The following STARD13 variants were observed in gnomAD, a reference collection of about 807,000 sequenced individuals.
STARD13 encodes the protein StAR related lipid transfer domain containing 13.
STARD13 carries 62 observed loss-of-function variants against 106.4 expected under a neutral mutation model. The ratio of observed to expected loss-of-function variants is 0.58; its 90% CI spans 0.48 to 0.72. The LOEUF (loss-of-function observed/expected upper bound fraction) is 0.72. Among genes scored for constraint, STARD13 ranks in the 30% least tolerant of loss-of-function variants. STARD13 has a pLI of 0.00. For synonymous variants in STARD13, 565 were observed against 553.0 expected (o/e 1.02, Z -0.31); for missense variants, 1,387 against 1,424.0 (o/e 0.97, Z 0.42).
At chr13:33,593,992 T>C in the STARD13 span, among the ~76,000 whole-genome samples, 2 of 152,110 alleles carry the variant, frequency 1.3e-5, no homozygotes, top group Non-Finnish European at 2.9e-5. Context: ...CTGCAAGCTC[T>C]GTCTCCCGGG....
chr13:33,615,168 C>T, the STARD13 span, among the ~76,000 whole-genome samples: 70 of 152,112 alleles, frequency 4.6e-4, no homozygotes, highest in African/African-American at 1.4e-3. Context: ...AAAAGCAATC[C>T]GCAAAAACCC....
chr13:33,543,489 T>C, the STARD13 span, among the ~76,000 whole-genome samples: 2 of 149,398 alleles, frequency 1.3e-5, no homozygotes, highest in African/African-American at 5.0e-5. Flanking sequence ...ATAATGTTCT[T>C]TTTTTCCTGT....
the STARD13 span, among the ~76,000 whole-genome samples, chr13:33,651,919 C>T: frequency 2.6e-5 from 4 of 152,324 alleles, no homozygotes; most frequent in African/African-American, 7.2e-5. Flanking sequence ...GTGAAGCCAT[C>T]CTGGACCCTT....
chr13:33,648,256 C>G, the STARD13 span, among the ~76,000 whole-genome samples: 1 of 152,166 alleles, frequency 6.6e-6, no homozygotes, highest in East Asian at 1.9e-4. Context: ...TGTGTGGAAA[C>G]TGAGTCTCAG....
At chr13:33,460,401 G>T in the STARD13 span, among the ~76,000 whole-genome samples, 1 of 151,342 alleles carries the variant, frequency 6.6e-6, no homozygotes, top group African/African-American at 2.4e-5. Context: ...TGAGGCAGGA[G>T]AACCGCTTGA....
the STARD13 span, among the ~76,000 whole-genome samples, chr13:33,516,961 G>A: frequency 5.3e-5 from 8 of 150,762 alleles, no homozygotes; most frequent in Admixed American, 5.3e-4. Flanking sequence ...AAAAAAAGGA[G>A]GGAGAAGAAA....
the STARD13 span, among the ~76,000 whole-genome samples, chr13:33,674,325 A>G: frequency 2.0e-5 from 3 of 152,238 alleles, no homozygotes; most frequent in African/African-American, 7.2e-5. Context: ...AAATCATAAT[A>G]GTTAATTTCA....
intron 1 of STARD13, among the ~76,000 whole-genome samples, chr13:33,307,145 G>A (rs559147274): frequency 1.2e-3 from 187 of 152,166 alleles, no homozygotes; most frequent in African/African-American, 4.3e-3. Context: ...TTATTAAAAA[G>A]TCAAGAAACA....
chr13:33,658,875 G>C, the STARD13 span, among the ~76,000 whole-genome samples: 2 of 152,102 alleles, frequency 1.3e-5, no homozygotes, highest in Admixed American at 6.5e-5. Flanking sequence ...GGTTAACTTG[G>C]TCACCAATGG....
At chr13:33,561,418 G>A in the STARD13 span, among the ~76,000 whole-genome samples, 18 of 151,614 alleles carry the variant, frequency 1.2e-4, no homozygotes, top group Middle Eastern at 0.01. Flanking sequence ...GTGATCCTCT[G>A]TGATCACTTT....
At chr13:33,528,308 C>A in the STARD13 span, among the ~76,000 whole-genome samples, 1 of 130,770 alleles carries the variant, frequency 7.6e-6, no homozygotes, top group East Asian at 2.1e-4. Context: ...TCTCCTCTGT[C>A]ACCCAGGCTG....
the STARD13 span, among the ~76,000 whole-genome samples, chr13:33,671,018 A>G: frequency 5.9e-5 from 9 of 152,364 alleles, no homozygotes; most frequent in South Asian, 1.4e-3. Flanking sequence ...ACTATGGTCT[A>G]GTTAAAAGGG....
the STARD13 span, among the ~76,000 whole-genome samples, chr13:33,603,616 G>A: frequency 1.3e-5 from 2 of 152,014 alleles, no homozygotes; most frequent in Non-Finnish European, 2.9e-5. Context: ...ACAAACTGAT[G>A]CTTTCTAAAC....
the STARD13 span, among the ~76,000 whole-genome samples, chr13:33,485,958 T>C: frequency 2.0e-5 from 3 of 152,194 alleles, no homozygotes; most frequent in Non-Finnish European, 4.4e-5. Context: ...AATCAAAATG[T>C]GGAATGCAGA....
the STARD13 span, among the ~76,000 whole-genome samples, chr13:33,535,146 CAG>C: frequency 5.9e-5 from 9 of 152,002 alleles, no homozygotes; most frequent in Non-Finnish European, 1.2e-4. Context: ...ACCCAGGAGA[CAG>C]AGGCTGCAGT....
chr13:33,290,919 A>G (rs552770446), intron 1 of STARD13, among the ~76,000 whole-genome samples: 3 of 152,358 alleles, frequency 2.0e-5, no homozygotes, highest in African/African-American at 7.2e-5. Context: ...CACTTTCATG[A>G]CTAATACAAA....
rs533876831 is a variant in STARD13 at position 33,121,836 on chromosome 13, C to T, written c.2083-3573G>A. Among the ~76,000 whole-genome samples, 339 of 141,008 alleles carry T rather than the reference C, an allele frequency of 2.4e-3. 4 individuals are homozygous for T. The highest frequency in any genetic ancestry group is 7.8e-3 in the African/African-American group (312 of 40,072). The allele number at this position is 141,008 out of a possible 152,430, so 92.5% of individuals were successfully genotyped here. Reference sequence around the variant, plus strand: ...CTAGGATTACAGGTGTGCACCACCACGCCCAGCTAATTTTTTTTTTTTTTT... The same window carrying T: ...CTAGGATTACAGGTGTGCACCACCATGCCCAGCTAATTTTTTTTTTTTTTT... On this transcript the variant is annotated intron_variant, in intron 7 of 13. Coordinates refer to ENST00000336934, the MANE Select transcript of STARD13 (RefSeq NM_178006.4).
intron 1 of STARD13, among the ~76,000 whole-genome samples, chr13:33,188,834 C>T (rs1468313684): frequency 1.3e-5 from 2 of 152,184 alleles, no homozygotes; most frequent in Non-Finnish European, 2.9e-5. Context: ...AAGAATCTGT[C>T]AGATTAGTTG....
At chr13:33,233,045 C>T (rs187437441) in intron 1 of STARD13, among the ~76,000 whole-genome samples, 2 of 152,358 alleles carry the variant, frequency 1.3e-5, no homozygotes, top group Non-Finnish European at 2.9e-5. Context: ...ACCCCTGGCA[C>T]TTCAGTAACA....
Sources: allele counts gnomAD v4.1 joint callset (sites outside exome capture counted in the v4.1 genomes callset), GRCh38; gene constraint gnomAD v4.1.1; transcripts MANE v1.5; gene names NCBI Gene and HGNC (gene_info 2026-07-23, HGNC 2026-07-21).